WDFY3: variants seen among roughly 807,000 people sequenced by gnomAD.
WDFY3 encodes WD repeat and FYVE domain containing 3.
Under a neutral mutation model 409.6 loss-of-function variants are expected in WDFY3, and 66 were observed. The ratio of observed to expected loss-of-function variants is 0.16; its 90% CI spans 0.13 to 0.20. WDFY3 has a LOEUF of 0.20. Ranked by LOEUF, WDFY3 falls within the 10% of genes least tolerant of loss-of-function variation. The pLI is 1.00. For synonymous variants in WDFY3, 1,521 were observed against 1,537.1 expected, an observed-to-expected ratio of 0.99 and a Z score of 0.25; for missense variants, 3,031 against 4,298.1, an observed-to-expected ratio of 0.71 and a Z score of 8.24.
intron 51 of WDFY3, among the ~76,000 whole-genome samples, chr4:84,711,363 A>G (rs1732854821): frequency 6.6e-6 from 1 of 152,240 alleles, no homozygotes; most frequent in Admixed American, 6.5e-5. Context: ...TGACAAGCAA[A>G]GGAGTAATAC....
chr4:84,890,596 C>T (rs1163760215), intron 3 of WDFY3, among the ~76,000 whole-genome samples: 1 of 152,200 alleles, frequency 6.6e-6, no homozygotes, highest in Admixed American at 6.5e-5. Flanking sequence ...GCAGTAGAGG[C>T]AGCTTTCTGC....
rs749037271 is a variant in WDFY3, at chr4:84,718,496, C to T, written c.7680G>A (p.Glu2560=). The T allele has an allele frequency of 5.0e-6, 8 of 1,614,048 alleles. No homozygotes were observed. The highest frequency in any genetic ancestry group is 5.9e-6 in the Non-Finnish European group (7 of 1,179,976). The change falls in exon 48 of 68, where the codon GAG becomes GAA. Residue 2560 remains glutamate (E), a synonymous_variant. Transcript: ENST00000295888. ...TAAATCCATCAATCACATAAAAATG[C>T]TCTTTACCAAAAAGAAGGAGCCCCT... The part of the protein sequence containing the change: ...TSEGLLLFGK[E]HFYVIDGFTM...
intron 24 of WDFY3, among the ~76,000 whole-genome samples, chr4:84,785,738 C>T (rs984457444): frequency 1.3e-5 from 2 of 152,038 alleles, no homozygotes; most frequent in Admixed American, 1.3e-4. Flanking sequence ...TTCTTAATTG[C>T]CAATATAAAT....
At chr4:84,854,876 TC>T (rs1389452802) in intron 4 of WDFY3, among the ~76,000 whole-genome samples, 2 of 152,126 alleles carry the variant, frequency 1.3e-5, no homozygotes, top group Middle Eastern at 3.2e-3. Flanking sequence ...ACCATGGCAC[TC>T]CAGCCTGAGC....
intron 64 of WDFY3, among the ~76,000 whole-genome samples, chr4:84,679,837 T>C (rs776558230): frequency 6.7e-5 from 10 of 149,270 alleles, no homozygotes; most frequent in African/African-American, 2.0e-4. Context: ...TATATATATA[T>C]ATATACACAC....
At chr4:84,689,769 G>A (rs1467572237) in intron 61 of WDFY3, among the ~76,000 whole-genome samples, 6 of 152,148 alleles carry the variant, frequency 3.9e-5, no homozygotes, top group African/African-American at 1.4e-4. Flanking sequence ...TTGTAGAATT[G>A]TGTCGACTAG....
At chr4:84,835,736 T>TTC (rs1756477656) in intron 7 of WDFY3, among the ~76,000 whole-genome samples, 1 of 152,170 alleles carries the variant, frequency 6.6e-6, no homozygotes, top group African/African-American at 2.4e-5. Flanking sequence ...CCTGCAACCA[T>TTC]TACTCTATAC....
intron 2 of WDFY3, among the ~76,000 whole-genome samples, chr4:84,910,519 T>C (rs896833600): frequency 6.6e-5 from 10 of 152,062 alleles, no homozygotes; most frequent in Non-Finnish European, 1.2e-4. Flanking sequence ...CTCACATATA[T>C]GGCCAACTGA....
chr4:84,712,610 A>G (rs1401745344), intron 51 of WDFY3, among the ~76,000 whole-genome samples: 3 of 151,018 alleles, frequency 2.0e-5, no homozygotes, highest in Non-Finnish European at 4.4e-5. Context: ...TATCCCAGCT[A>G]CTCGGGAGGC....
chr4:84,838,338 C>G (rs2150003369), intron 6 of WDFY3, among the ~76,000 whole-genome samples: 1 of 152,300 alleles, frequency 6.6e-6, no homozygotes, highest in East Asian at 1.9e-4. Context: ...CTTACATACC[C>G]TGCTTTAGGT....
intron 18 of WDFY3, 148 bp from the exon 19 acceptor site, chr4:84,796,900 A>G (rs1749545945): frequency 1.6e-6 from 1 of 640,340 alleles, no homozygotes; most frequent in African/African-American, 1.8e-5. Context: ...TTTAATGTAC[A>G]TTTACTTTTA....
chr4:84,690,224 A>C (rs1403712345), intron 61 of WDFY3, among the ~76,000 whole-genome samples: 1 of 152,228 alleles, frequency 6.6e-6, no homozygotes, highest in Non-Finnish European at 1.5e-5. Flanking sequence ...AATTCAATTT[A>C]GACTTTTGCA....
intron 32 of WDFY3, among the ~76,000 whole-genome samples, chr4:84,765,608 T>C (rs558694443): frequency 6.6e-6 from 1 of 152,198 alleles, no homozygotes; most frequent in South Asian, 2.1e-4. Flanking sequence ...TTTCAAATCT[T>C]AGTATGTTAT....
chr4:84,798,226 C>T (rs751518631), intron 17 of WDFY3, 118 bp from the exon 18 acceptor site: 82 of 822,638 alleles, frequency 1.0e-4, no homozygotes, highest in Non-Finnish European at 1.4e-4. Flanking sequence ...TAAAAAAATG[C>T]AAAGTATAAT....
At chr4:84,863,611 A>G (rs930096959) in intron 3 of WDFY3, among the ~76,000 whole-genome samples, 1 of 152,210 alleles carries the variant, frequency 6.6e-6, no homozygotes, top group Non-Finnish European at 1.5e-5. Context: ...TTATGTACTT[A>G]AATTATTACC....
chr4:84,767,990 T>C (rs1578429487), intron 30 of WDFY3, among the ~76,000 whole-genome samples: 1 of 152,066 alleles, frequency 6.6e-6, no homozygotes, highest in East Asian at 1.9e-4. Context: ...GGCTGATGTA[T>C]GAGGATCGCT....
At chr4:84,826,407 G>A (rs1392602647) in intron 10 of WDFY3, among the ~76,000 whole-genome samples, 3 of 152,052 alleles carry the variant, frequency 2.0e-5, no homozygotes, top group East Asian at 1.9e-4. Context: ...TCGGCAGGGG[G>A]TCCTGGAACC....
chr4:84,726,410 T>C (rs1351449710), intron 45 of WDFY3, among the ~76,000 whole-genome samples: 1 of 152,134 alleles, frequency 6.6e-6, no homozygotes, highest in Non-Finnish European at 1.5e-5. Context: ...ACACACTCTT[T>C]GTTTCCATTC....
At chr4:84,929,591 T>C (rs1397325932) in intron 2 of WDFY3, among the ~76,000 whole-genome samples, 1 of 151,792 alleles carries the variant, frequency 6.6e-6, no homozygotes, top group Non-Finnish European at 1.5e-5. Flanking sequence ...TGGGCTCTAA[T>C]CCAGTATGAC....
Sources: gnomAD v4.1 joint callset for allele counts (sites outside exome capture counted in the v4.1 genomes callset) on GRCh38, gnomAD v4.1.1 for gene constraint, MANE v1.5 for transcripts, NCBI Gene and HGNC (gene_info 2026-07-23, HGNC 2026-07-21) for gene names.